The following NTM variants were observed in gnomAD, a reference collection of about 807,000 sequenced individuals.
The protein encoded by NTM is neurotrimin.
A neutral mutation model predicts 42.1 loss-of-function variants in NTM; 13 were observed. That is an observed-to-expected ratio of 0.31 (90% CI 0.20 to 0.49). The LOEUF is 0.49. NTM is among the 20% of genes least tolerant of loss of function. NTM has a pLI of 0.99. For missense variants in NTM, 373 were observed against 452.8 expected (o/e 0.82, Z 1.60); for synonymous variants, 187 against 179.2 (o/e 1.04, Z -0.35).
intron 4 of NTM, among the ~76,000 whole-genome samples, chr11:132,217,436 TC>T (rs1431825645): frequency 1.3e-5 from 2 of 151,404 alleles, no homozygotes; most frequent in Non-Finnish European, 2.9e-5. Flanking sequence ...TTTCTCAGGT[TC>T]TCTCTTTCTC....
chr11:131,813,256 T>C (rs2092812161), intron 1 of NTM, among the ~76,000 whole-genome samples: 1 of 152,210 alleles, frequency 6.6e-6, no homozygotes, highest in Admixed American at 6.5e-5. Context: ...GAATGATTTT[T>C]ACACACAAAC....
chr11:132,141,022 T>G (rs2069000315), intron 2 of NTM: 1 of 152,256 alleles, frequency 6.6e-6, no homozygotes. Flanking sequence ...AAGGAACGGT[T>G]GGACCGCACA....
chr11:131,882,592 A>C (rs1270199516), intron 1 of NTM, among the ~76,000 whole-genome samples: 8 of 152,212 alleles, frequency 5.3e-5, no homozygotes, highest in Non-Finnish European at 1.2e-4. Flanking sequence ...ACTGGTGCTA[A>C]ATACTGCTCT....
At chr11:131,868,694 A>T (rs932784213) in intron 1 of NTM, among the ~76,000 whole-genome samples, 27 of 151,932 alleles carry the variant, frequency 1.8e-4, no homozygotes, top group African/African-American at 6.3e-4. Flanking sequence ...TTCTTTTTCA[A>T]TTTGTCCTCG....
intron 1 of NTM, among the ~76,000 whole-genome samples, chr11:131,462,440 T>C (rs7123137): frequency 0.073 from 11,135 of 152,064 alleles, 971 homozygotes; most frequent in East Asian, 0.21. Context: ...CATTTAAAAA[T>C]ACAAAAATGA....
chr11:131,865,294 CA>C (rs1309905903), intron 1 of NTM, among the ~76,000 whole-genome samples: 2 of 152,184 alleles, frequency 1.3e-5, no homozygotes, highest in Non-Finnish European at 2.9e-5. Context: ...CACACCAAGA[CA>C]AAATTCAGAG....
At chr11:131,922,519 C>G (rs1239344103) in intron 2 of NTM, among the ~76,000 whole-genome samples, 1 of 152,204 alleles carries the variant, frequency 6.6e-6, no homozygotes, top group Non-Finnish European at 1.5e-5. Context: ...CCTAGTACAT[C>G]CTTTATTTTT....
At chr11:131,610,793 T>C (rs2061407685) in intron 1 of NTM, among the ~76,000 whole-genome samples, 1 of 151,980 alleles carries the variant, frequency 6.6e-6, no homozygotes, top group Non-Finnish European at 1.5e-5. Context: ...GAGTGAAACA[T>C]ATGTGGGGAT....
chr11:131,856,387 T>G (rs2046101890), intron 1 of NTM, among the ~76,000 whole-genome samples: 1 of 152,216 alleles, frequency 6.6e-6, no homozygotes, highest in African/African-American at 2.4e-5. Flanking sequence ...CGAATAATAC[T>G]CATTTCTTAA....
intron 1 of NTM, among the ~76,000 whole-genome samples, chr11:131,770,196 G>C (rs901900231): frequency 6.6e-6 from 1 of 152,172 alleles, no homozygotes; most frequent in African/African-American, 2.4e-5. Context: ...CAGGATTCTA[G>C]TCACTCGATT....
chr11:131,731,620 A>G (rs2079698054), intron 1 of NTM, among the ~76,000 whole-genome samples: 1 of 152,146 alleles, frequency 6.6e-6, no homozygotes. Flanking sequence ...CTGGGCCTGC[A>G]TACGTTAATC....
intron 2 of NTM, among the ~76,000 whole-genome samples, chr11:131,912,222 C>T (rs1431843296): frequency 6.6e-6 from 1 of 152,128 alleles, no homozygotes; most frequent in Non-Finnish European, 1.5e-5. Flanking sequence ...CCTGTCTGAA[C>T]GTGGCTTTCT....
chr11:131,403,787 A>G (rs1591573247), intron 1 of NTM, among the ~76,000 whole-genome samples: 2 of 152,226 alleles, frequency 1.3e-5, no homozygotes, highest in South Asian at 2.1e-4. Context: ...ATCAGGAACT[A>G]ACTTATCTTC....
At chr11:131,914,787 T>TAATAATACTATTA (rs2055996408) in intron 2 of NTM, among the ~76,000 whole-genome samples, 1 of 152,234 alleles carries the variant, frequency 6.6e-6, no homozygotes, top group East Asian at 1.9e-4. Flanking sequence ...GAATCTGCAT[T>TAATAATACTATTA]AATAATACTA....
intron 4 of NTM, among the ~76,000 whole-genome samples, chr11:132,267,059 C>T (rs2093225192): frequency 6.6e-6 from 1 of 152,186 alleles, no homozygotes; most frequent in African/African-American, 2.4e-5. Context: ...CATTTATCAA[C>T]ATTTTCATGT....
At chr11:131,540,843 C>T (rs549374089) in intron 1 of NTM, 1 of 152,332 alleles carries the variant, frequency 6.6e-6, no homozygotes, top group African/African-American at 2.4e-5. Context: ...TCTAGCTTCT[C>T]ATTAGGAAGC....
intron 1 of NTM, among the ~76,000 whole-genome samples, chr11:131,812,731 A>G (rs1202487305): frequency 6.6e-6 from 1 of 152,128 alleles, no homozygotes; most frequent in Non-Finnish European, 1.5e-5. Flanking sequence ...CTGAACCAAG[A>G]CTGAAGGGGA....
intron 4 of NTM, among the ~76,000 whole-genome samples, chr11:132,216,552 G>A (rs2083901366): frequency 6.6e-6 from 1 of 152,190 alleles, no homozygotes; most frequent in Admixed American, 6.5e-5. Flanking sequence ...GATATTGGTA[G>A]GGATATTCAG....
chr11:132,178,047 G>T (rs553867165), intron 3 of NTM, among the ~76,000 whole-genome samples: 1 of 152,324 alleles, frequency 6.6e-6, no homozygotes, highest in East Asian at 1.9e-4. Flanking sequence ...TCGCTCACAT[G>T]AAATTGGATT....
Sources: allele counts gnomAD v4.1 joint callset (sites outside exome capture counted in the v4.1 genomes callset), GRCh38; gene constraint gnomAD v4.1.1; transcripts MANE v1.5; gene names NCBI Gene and HGNC (gene_info 2026-07-23, HGNC 2026-07-21).